Variants in NOL10 observed in about 807,000 individuals in gnomAD.
NOL10 encodes the protein nucleolar protein 10, also known as H_NH0074G24.1.
Under a neutral mutation model 103.5 loss-of-function variants are expected in NOL10, and 58 were observed. The ratio of observed to expected loss-of-function variants is 0.56; its 90% confidence interval spans 0.45 to 0.70. The LOEUF is 0.70. Among genes scored for constraint, NOL10 ranks in the 30% least tolerant of loss-of-function variants. The pLI is 0.00. For missense variants in NOL10, 763 were observed against 807.3 expected, an observed-to-expected ratio of 0.95 and a Z score of 0.67; for synonymous variants, 287 against 282.5, an observed-to-expected ratio of 1.02 and a Z score of -0.16.
At chr2:10,577,107 A>G (rs1395683186) in intron 20 of NOL10, among the ~76,000 whole-genome samples, 4 of 152,232 alleles carry the variant, frequency 2.6e-5, no homozygotes, top group African/African-American at 9.6e-5. Flanking sequence ...GATCTTATAA[A>G]TCAATTTAGA....
At chr2:10,576,596 G>T (rs1210735010) in intron 20 of NOL10, among the ~76,000 whole-genome samples, 1 of 152,226 alleles carries the variant, frequency 6.6e-6, no homozygotes, top group Non-Finnish European at 1.5e-5. Flanking sequence ...TATGCTCAGT[G>T]AAAGAAGCCA....
At chr2:10,660,065 A>C (rs977601121) in intron 9 of NOL10, among the ~76,000 whole-genome samples, 1 of 152,068 alleles carries the variant, frequency 6.6e-6, no homozygotes, top group African/African-American at 2.4e-5. Flanking sequence ...ATGAGTCAGA[A>C]GTGGACAATA....
chr2:10,597,449 C>T (rs185518448), intron 17 of NOL10, among the ~76,000 whole-genome samples: 75 of 152,244 alleles, frequency 4.9e-4, no homozygotes, highest in African/African-American at 1.7e-3. Context: ...AGTTCAAAGG[C>T]GAGACTAATG....
chr2:10,592,704 T>C (rs1363739625), intron 17 of NOL10, among the ~76,000 whole-genome samples: 2 of 152,244 alleles, frequency 1.3e-5, no homozygotes, highest in African/African-American at 2.4e-5. Context: ...AGACTACATA[T>C]GTTGCTGGTA....
chr2:10,683,098 ATAT>A (rs1681898018), intron 2 of NOL10, among the ~76,000 whole-genome samples: 1 of 152,210 alleles, frequency 6.6e-6, no homozygotes, highest in Non-Finnish European at 1.5e-5. Context: ...TCTTAAGTTT[ATAT>A]AAGAAACTGC....
Position 10,657,734 on chromosome 2 carries a change from A to G in NOL10, c.906+8T>C. The G allele has an allele frequency of 6.5e-7, 1 of 1,545,990 alleles. No individual in the cohort carries two copies. The highest frequency in any genetic ancestry group is 1.2e-5 in the South Asian group (1 of 82,380). On this transcript the variant is annotated splice_region_variant and intron_variant, in intron 11 of 20. Transcript: ENST00000381685. ...AAGAAGCAAGTAATTTCAACCAAAA[A>G]TACATACGGAGTTCTTATTCCACAT...
Position 10,603,245 on chromosome 2 carries a change from G to C in NOL10, c.1154-88C>G, listed in dbSNP as rs1048279437. 5 of 936,862 alleles carry C rather than the reference G, an allele frequency of 5.3e-6. No individual in the cohort carries two copies. In the East Asian group the frequency reaches 1.1e-4, roughly 20 times the overall value. The allele number at this position is 936,862 out of a possible 1,614,324, so 58.0% of individuals were successfully genotyped here. Reference sequence around the variant, plus strand: ...TTTCTTGGGCAACAATTTGATTATAGTAAGATTTCACTTCAGACTAAAAAT... The same window carrying C: ...TTTCTTGGGCAACAATTTGATTATACTAAGATTTCACTTCAGACTAAAAAT... On this transcript the variant is annotated intron_variant, in intron 14 of 20. Transcript: ENST00000381685.
intron 19 of NOL10, among the ~76,000 whole-genome samples, chr2:10,585,802 T>A (rs1160414611): frequency 6.6e-6 from 1 of 152,246 alleles, no homozygotes. Context: ...AAATGCTACA[T>A]GCATAGTTGT....
chr2:10,597,948 GTTAA>G (rs70953318), intron 17 of NOL10, among the ~76,000 whole-genome samples: 278 of 152,330 alleles, frequency 1.8e-3, no homozygotes, highest in Non-Finnish European at 3.4e-3. Flanking sequence ...CATCCTGATA[GTTAA>G]TTAGAGAATA....
At chr2:10,630,439 G>A (rs1218399049) in intron 13 of NOL10, among the ~76,000 whole-genome samples, 6 of 152,146 alleles carry the variant, frequency 3.9e-5, no homozygotes, top group South Asian at 4.1e-4. Context: ...GCAGCTGGGC[G>A]CGATGGCTCA....
At chr2:10,652,300 G>T (rs1443484083) in intron 12 of NOL10, among the ~76,000 whole-genome samples, 1 of 151,482 alleles carries the variant, frequency 6.6e-6, no homozygotes, top group Admixed American at 6.6e-5. Flanking sequence ...AAACAGGAAG[G>T]CTGGGTTCTA....
At chr2:10,651,754 C>A (rs10187650) in intron 12 of NOL10, among the ~76,000 whole-genome samples, 2,060 of 152,258 alleles carry the variant, frequency 0.014, 44 homozygotes, top group African/African-American at 0.047. Context: ...CCTACTTAAC[C>A]GAGACCCTGG....
chr2:10,582,584 C>G (rs1384536194), intron 19 of NOL10, among the ~76,000 whole-genome samples: 1 of 152,196 alleles, frequency 6.6e-6, no homozygotes, highest in African/African-American at 2.4e-5. Context: ...CTGAGGCCAA[C>G]AAGCATGGCC....
chr2:10,575,273 TC>T (rs1674396322), intron 20 of NOL10, among the ~76,000 whole-genome samples: 1 of 152,250 alleles, frequency 6.6e-6, no homozygotes, highest in South Asian at 2.1e-4. Context: ...GGATTTTCTC[TC>T]TTCAATTTTA....
chr2:10,645,968 C>A (rs1264103816), intron 12 of NOL10, among the ~76,000 whole-genome samples: 2 of 147,040 alleles, frequency 1.4e-5, no homozygotes, highest in African/African-American at 2.7e-5. Flanking sequence ...CACACACACA[C>A]CCCGTAAAAA....
chr2:10,595,583 TTTTTG>T (rs754913232), intron 17 of NOL10, among the ~76,000 whole-genome samples: 3 of 88,250 alleles, frequency 3.4e-5, no homozygotes, highest in South Asian at 3.7e-4. Flanking sequence ...CAGAAATGTT[TTTTTG>T]TTTTGTTTTG....
chr2:10,667,217 C>A lies in NOL10; in HGVS notation c.591+1G>T. ...AAAAAATAAAGTCAACATATGCTTA[C>A]CTCTATGGTTCCTGTGGCAAACAAG... is the stretch of plus-strand genomic sequence containing the variant. On this transcript the variant is annotated splice_donor_variant, in intron 8 of 20. Coordinates refer to ENST00000381685, the MANE Select transcript of NOL10 (RefSeq NM_024894.4). LOFTEE classifies it high-confidence loss of function. 1 of 1,574,710 alleles carries A rather than the reference C, an allele frequency of 6.4e-7. No individual in the cohort carries two copies. The highest frequency in any genetic ancestry group is 8.6e-7 in the Non-Finnish European group (1 of 1,157,200).
At chr2:10,580,071 C>T (rs1276248119) in intron 19 of NOL10, among the ~76,000 whole-genome samples, 1 of 152,190 alleles carries the variant, frequency 6.6e-6, no homozygotes, top group Non-Finnish European at 1.5e-5. Flanking sequence ...CAGACAGAGA[C>T]CGTGTGTGGA....
Position 10,640,412 on chromosome 2 carries a change from G to A in NOL10, c.1026+3908C>T, listed in dbSNP as rs534364643. On this transcript the variant is annotated intron_variant, in intron 13 of 20. Coordinates refer to ENST00000381685, the MANE Select transcript of NOL10 (RefSeq NM_024894.4). ...AGGTAGGTCAGAAAGGAACACTGAAGTCCAAGTTTCAGCATAATGCTTCGC... is the reference window on the plus strand; with the variant it reads ...AGGTAGGTCAGAAAGGAACACTGAAATCCAAGTTTCAGCATAATGCTTCGC... Among the ~76,000 whole-genome samples the A allele has an allele frequency of 7.9e-5, 12 of 152,314 alleles. 1 individual carries two copies. In the East Asian group the frequency reaches 2.3e-3, roughly 29 times the overall value.
Sources: allele counts gnomAD v4.1 joint callset (sites outside exome capture counted in the v4.1 genomes callset), GRCh38; gene constraint gnomAD v4.1.1; transcripts MANE v1.5; gene names NCBI Gene and HGNC (gene_info 2026-07-23, HGNC 2026-07-21).